The following PTPN21 variants were observed in gnomAD, a reference collection of about 807,000 sequenced individuals.
PTPN21 encodes the protein protein tyrosine phosphatase non-receptor type 21, also known as tyrosine-protein phosphatase non-receptor type 21.
A neutral mutation model predicts 131.8 loss-of-function variants in PTPN21; 77 were observed. That is an observed-to-expected ratio of 0.58 (90% CI 0.49 to 0.71). The LOEUF (loss-of-function observed/expected upper bound fraction) is 0.71, where lower values mean the gene tolerates loss of function less well. Among genes scored for constraint, PTPN21 ranks in the 30% least tolerant of loss-of-function variants. The pLI, the probability that PTPN21 is intolerant of heterozygous loss-of-function variation, is 0.00. For synonymous variants in PTPN21, 715 were observed against 621.3 expected, an observed-to-expected ratio of 1.15 and a Z score of -2.24; for missense variants, 1,552 against 1,527.1, an observed-to-expected ratio of 1.02 and a Z score of -0.27.
intron 3 of PTPN21, among the ~76,000 whole-genome samples, chr14:88,512,820 A>T (rs1409816796): frequency 6.6e-6 from 1 of 152,210 alleles, no homozygotes; most frequent in African/African-American, 2.4e-5. Flanking sequence ...CTTTGATACA[A>T]GTTCATTTTA....
intron 12 of PTPN21, 30 bp downstream of exon 12, chr14:88,485,046 G>GTAA (rs1566817929): frequency 6.6e-7 from 1 of 1,513,142 alleles, no homozygotes; most frequent in Admixed American, 1.7e-5. Flanking sequence ...TCATAACTAT[G>GTAA]TAAGGCATGG....
intron 2 of PTPN21, among the ~76,000 whole-genome samples, chr14:88,542,848 A>G (rs1220718194): frequency 6.6e-6 from 1 of 152,218 alleles, no homozygotes; most frequent in Non-Finnish European, 1.5e-5. Flanking sequence ...TATTTGCTTC[A>G]GACGGTCCAA....
chr14:88,480,297 C>A lies in PTPN21; in HGVS notation c.1134G>T (p.Leu378Phe). The change falls in exon 13 of 19, where the codon TTG becomes TTT. Residue 378 changes from leucine (L) to phenylalanine (F), a missense_variant. Leu to Phe is a conservative substitution (Grantham distance 22). Around this residue, in one of 4 missense-constraint regions of PTPN21, gnomAD observed 1,016 missense variants for 883.5 expected, o/e 1.15. Transcript: ENST00000556564. ...CGTTGAGGTCAATCTGGGCTCTATC[C>A]AAGCTTGTCTGAGAGTGACAGTAGT... Reference protein sequence around the residue: ...NGYYCHSQTSLDRAQIDLNGR... With the variant: ...NGYYCHSQTSFDRAQIDLNGR... The A allele has an allele frequency of 6.2e-7, 1 of 1,614,168 alleles. No homozygotes were observed. Among genetic ancestry groups the A allele is most frequent in the Non-Finnish European group, 8.5e-7 (1 of 1,180,032 alleles).
At position 88,497,278 on chromosome 14, in the gene PTPN21, A is replaced by G; in HGVS notation, c.777T>C (p.Ile259=). The G allele has an allele frequency of 6.2e-7, 1 of 1,613,114 alleles. No homozygotes were observed. The highest frequency in any genetic ancestry group is 1.1e-5 in the South Asian group (1 of 91,056). The change falls in exon 9 of 19, where the codon ATT becomes ATC. Residue 259 remains isoleucine (I), a synonymous_variant. Transcript: ENST00000556564. ...RHPVVFRWHD[I]ANMSHNKSFF... ...AGGACTTGTTGTGGGACATGTTGGC[A>G]ATGTCATGCCACCTAAAGAACAGCA...
At chr14:88,519,366 C>A (rs1248668866) in intron 2 of PTPN21, among the ~76,000 whole-genome samples, 1 of 152,160 alleles carries the variant, frequency 6.6e-6, no homozygotes, top group Admixed American at 6.5e-5. Context: ...AATAAAGCAG[C>A]CACTAGCCAC....
chr14:88,536,637 A>G (rs1240541157), intron 2 of PTPN21, among the ~76,000 whole-genome samples: 2 of 152,208 alleles, frequency 1.3e-5, no homozygotes, highest in Non-Finnish European at 2.9e-5. Flanking sequence ...TTTCTCGTCT[A>G]ATTATTTTAA....
rs2077395096 is a variant in PTPN21, at chr14:88,468,204, G to A, written c.3458C>T (p.Thr1153Ile). The change falls in exon 19 of 19, where the codon ACT becomes ATT. Residue 1153 changes from threonine to isoleucine, a missense_variant. Coordinates refer to ENST00000556564, the MANE Select transcript of PTPN21 (RefSeq NM_007039.4). ...LRQQRMMLVQ[T>I]LCQYTFVYRV... ...GTACACAAATGTGTACTGGCAGAGA[G>A]TCTGCACCAGCATCATTCTCTGTTG... The A allele has an allele frequency of 6.2e-7, 1 of 1,611,680 alleles. No homozygotes were observed. Among genetic ancestry groups the A allele is most frequent in the African/African-American group, 1.3e-5 (1 of 74,856 alleles).
In PTPN21 at chr14:88,480,219, A is replaced by T. The variant is rs2077631399; in HGVS notation, c.1212T>A (p.Asn404Lys). The T allele has an allele frequency of 1.2e-6, 2 of 1,614,144 alleles. No individual in the cohort carries two copies. The highest frequency in any genetic ancestry group is 2.7e-5 in the African/African-American group (2 of 75,046). Reference protein sequence around the residue: ...VYSAHSTNSLNNPQPYLQPSP... With the variant: ...VYSAHSTNSLKNPQPYLQPSP... ...AGGGCTGCAAGTAGGGCTGAGGATT[A>T]TTTAAGGAGTTGGTGCTGTGTGCAC... Residue 404 changes from asparagine (N) to lysine (K), a missense_variant, in exon 13 of 19, where the codon AAT becomes AAA. By Grantham distance (94) the Asn-to-Lys change is moderately conservative (BLOSUM62 0). Transcript: ENST00000556564.
intron 6 of PTPN21, chr14:88,504,046 T>C (rs2078051597): frequency 5.2e-6 from 1 of 193,772 alleles, no homozygotes; most frequent in South Asian, 1.0e-4. Flanking sequence ...TGCTAAGCTG[T>C]ATCATAAAAG....
At chr14:88,529,029 G>A (rs981066390) in intron 2 of PTPN21, among the ~76,000 whole-genome samples, 3 of 152,150 alleles carry the variant, frequency 2.0e-5, no homozygotes, top group African/African-American at 7.2e-5. Flanking sequence ...GAGAAGTGGT[G>A]AAAGTTAACA....
At chr14:88,504,288 A>C in intron 6 of PTPN21, 137 bp downstream of exon 6, 1 of 677,096 alleles carries the variant, frequency 1.5e-6, no homozygotes. Flanking sequence ...GCTACTTGTA[A>C]TAGTAGTGGC....
Position 88,483,239 on chromosome 14 carries a change from G to C in PTPN21, c.1078+1837C>G, listed in dbSNP as rs2077680057. Among the ~76,000 whole-genome samples the C allele has an allele frequency of 2.7e-5, 4 of 149,520 alleles. No individual in the cohort carries two copies. The South Asian group carries it at 8.4e-4, about 32-fold the overall frequency. ...AAAAAAAAAAAAAAAAAGTCAGTGA[G>C]AAAAGAAAGCAGATCACTCAAACCA... On this transcript the variant is annotated intron_variant, in intron 12 of 18. Coordinates refer to ENST00000556564, the MANE Select transcript of PTPN21 (RefSeq NM_007039.4).
intron 3 of PTPN21, among the ~76,000 whole-genome samples, chr14:88,510,061 A>T (rs2078153498): frequency 6.6e-6 from 1 of 152,074 alleles, no homozygotes; most frequent in South Asian, 2.1e-4. Context: ...AAACATGAAA[A>T]AGCAACATAC....
At chr14:88,516,687 A>T (rs1369882729) in intron 3 of PTPN21, among the ~76,000 whole-genome samples, 2 of 152,192 alleles carry the variant, frequency 1.3e-5, no homozygotes, top group Non-Finnish European at 2.9e-5. Flanking sequence ...ATATAGCTAG[A>T]GGCAGAGAAT....
At position 88,480,071 on chromosome 14, in the gene PTPN21, C is replaced by T. The variant is rs753570414; in HGVS notation, c.1360G>A (p.Val454Met). Residue 454 changes from valine to methionine, a missense_variant, in exon 13 of 19, where the codon GTG becomes ATG. Coordinates refer to ENST00000556564, the MANE Select transcript of PTPN21 (RefSeq NM_007039.4). ...SYRPTPDYET[V>M]MKQLNRGLVH... The stretch of plus-strand genomic sequence containing the variant: ...AGGCCCCTGTTGAGCTGCTTCATCA[C>T]AGTCTCATAGTCTGGGGTGGGGCGG... 6.2e-7 allele frequency: 1 copy of T among 1,614,162 alleles called. No individual in the cohort carries two copies. The highest frequency in any genetic ancestry group is 1.1e-5 in the South Asian group (1 of 91,086).
chr14:88,538,999 G>A (rs899081187), intron 2 of PTPN21, among the ~76,000 whole-genome samples: 2 of 151,410 alleles, frequency 1.3e-5, no homozygotes, highest in African/African-American at 2.4e-5. Flanking sequence ...ATAAAATTTC[G>A]TATTACATTT....
At chr14:88,485,914 G>A in intron 10 of PTPN21, 72 bp from the exon 11 acceptor site, 1 of 907,944 alleles carries the variant, frequency 1.1e-6, no homozygotes, top group Non-Finnish European at 1.7e-6. Flanking sequence ...CAAGATATAG[G>A]AATGTAAAAT....
intron 3 of PTPN21, chr14:88,512,535 A>C (rs1281233330): frequency 2.6e-5 from 4 of 152,202 alleles, no homozygotes; most frequent in African/African-American, 4.8e-5. Flanking sequence ...TTCTGATTGT[A>C]GTCTCATGGG....
chr14:88,550,408 G>C lies in PTPN21; in HGVS notation c.10C>G (p.Pro4Ala), dbSNP rs572448229. Residue 4 changes from proline (P) to alanine (A), a missense_variant, in exon 2 of 19, where the codon CCA (proline) becomes GCA (alanine). Around this residue, in one of 4 missense-constraint regions of PTPN21, gnomAD observed 206 missense variants for 221.6 expected, o/e 0.93. Transcript: ENST00000556564. ...GTGCGTTTCAGTTTCAACCCAAATGGCAGTGGCATCTTCTTCTTTCTTCAA... is the reference window on the plus strand; with the variant it reads ...GTGCGTTTCAGTTTCAACCCAAATGCCAGTGGCATCTTCTTCTTTCTTCAA... MPL[P>A]FGLKLKRTRR... is the part of the protein sequence containing the mutation. 6.2e-7 allele frequency: 1 copy of C among 1,613,698 alleles called. No individual in the cohort carries two copies. The highest frequency in any genetic ancestry group is 1.1e-5 in the South Asian group (1 of 91,028).
Sources: gnomAD v4.1 joint callset for allele counts (sites outside exome capture counted in the v4.1 genomes callset) on GRCh38, gnomAD v4.1.1 for gene constraint, gnomAD v4.1.1 regional missense constraint, MANE v1.5 for transcripts, NCBI Gene and HGNC (gene_info 2026-07-23, HGNC 2026-07-21) for gene names.